Variants in EPHB2 observed in about 807,000 individuals in gnomAD.
The protein encoded by EPHB2 is EPH receptor B2.
A neutral mutation model predicts 96.4 loss-of-function variants in EPHB2; 18 were observed. The ratio of observed to expected loss-of-function variants is 0.19; its 90% confidence interval spans 0.13 to 0.28. The LOEUF is 0.28. EPHB2 is among the 10% of genes least tolerant of loss of function. The probability of loss-of-function intolerance (pLI) is 1.00; values close to 1 mark genes in which losing one functional copy is unlikely to be tolerated. For missense variants in EPHB2, 989 were observed against 1,355.4 expected, an observed-to-expected ratio of 0.73 and a Z score of 4.25; for synonymous variants, 506 against 534.1, an observed-to-expected ratio of 0.95 and a Z score of 0.72.
chr1:22,899,531 T>C (rs1557744857), intron 9 of EPHB2, among the ~76,000 whole-genome samples: 1 of 152,060 alleles, frequency 6.6e-6, no homozygotes, highest in South Asian at 2.1e-4. Flanking sequence ...TTGGGGCATA[T>C]ATGTAAAACT....
At chr1:22,898,661 G>C (rs1285365512) in intron 9 of EPHB2, among the ~76,000 whole-genome samples, 2 of 152,196 alleles carry the variant, frequency 1.3e-5, no homozygotes, top group Non-Finnish European at 2.9e-5. Flanking sequence ...TCTGGAGAAT[G>C]GACCAACGGG....
intron 1 of EPHB2, among the ~76,000 whole-genome samples, chr1:22,711,977 G>A (rs1643162579): frequency 6.6e-6 from 1 of 152,230 alleles, no homozygotes; most frequent in South Asian, 2.1e-4. Flanking sequence ...AGCTTGCAGG[G>A]CAAGAAGCGA....
At chr1:22,734,547 G>A (rs937405596) in intron 1 of EPHB2, among the ~76,000 whole-genome samples, 2 of 150,944 alleles carry the variant, frequency 1.3e-5, no homozygotes, top group African/African-American at 2.4e-5. Flanking sequence ...TCAGCCTCCC[G>A]AATAGCTGGG....
intron 3 of EPHB2, among the ~76,000 whole-genome samples, chr1:22,828,851 C>G (rs1184989164): frequency 1.3e-5 from 2 of 152,196 alleles, no homozygotes; most frequent in African/African-American, 4.8e-5. Context: ...CATAGAATTA[C>G]AGAATTGTAC....
intron 5 of EPHB2, among the ~76,000 whole-genome samples, chr1:22,874,742 A>G (rs1011380670): frequency 2.0e-5 from 3 of 152,214 alleles, no homozygotes; most frequent in African/African-American, 7.2e-5. Context: ...GCACATGAAC[A>G]GCCAATTGCC....
chr1:22,720,673 C>CCCT (rs1389860328), intron 1 of EPHB2, among the ~76,000 whole-genome samples: 8 of 122,402 alleles, frequency 6.5e-5, no homozygotes, highest in Admixed American at 5.6e-4. Flanking sequence ...CCCCCCCCCC[C>CCCT]GCCCCAGCAC....
intron 1 of EPHB2, among the ~76,000 whole-genome samples, chr1:22,772,738 C>A (rs867993279): frequency 6.6e-6 from 1 of 152,178 alleles, no homozygotes; most frequent in Non-Finnish European, 1.5e-5. Context: ...TGGGGCAGAT[C>A]TCTGAGCCTC....
intron 3 of EPHB2, among the ~76,000 whole-genome samples, chr1:22,818,532 A>T (rs568985655): frequency 6.6e-6 from 1 of 152,050 alleles, no homozygotes; most frequent in Non-Finnish European, 1.5e-5. Flanking sequence ...TACCTAAAAC[A>T]TGTCCTGATT....
intron 1 of EPHB2, among the ~76,000 whole-genome samples, chr1:22,762,658 T>C (rs1048978889): frequency 3.3e-5 from 5 of 152,182 alleles, no homozygotes; most frequent in South Asian, 2.1e-4. Flanking sequence ...GAGGATGATT[T>C]AGGAGTTTCC....
chr1:22,865,273 G>A, intron 5 of EPHB2, 61 bp downstream of exon 5: 2 of 1,588,734 alleles, frequency 1.3e-6, no homozygotes, highest in South Asian at 1.1e-5. Context: ...GGAGGGTCCT[G>A]CAGTCCTCAC....
At chr1:22,816,835 G>T (rs145061061) in intron 3 of EPHB2, among the ~76,000 whole-genome samples, 1 of 152,324 alleles carries the variant, frequency 6.6e-6, no homozygotes, top group Non-Finnish European at 1.5e-5. Context: ...AGGTCACCCT[G>T]GGGGAGATGG....
intron 1 of EPHB2, among the ~76,000 whole-genome samples, chr1:22,768,795 TCC>T (rs1644340417): frequency 2.6e-4 from 1 of 3,800 alleles, no homozygotes; most frequent in Non-Finnish European, 7.8e-4. Context: ...GATCATTCTC[TCC>T]TCCCGGCCTT....
chr1:22,910,294 C>A (rs1350400356), intron 13 of EPHB2, 88 bp from the exon 14 acceptor site: 7 of 1,538,334 alleles, frequency 4.6e-6, no homozygotes, highest in Non-Finnish European at 5.4e-6. Flanking sequence ...GTCAGACGTG[C>A]AATGTACTGG....
At chr1:22,777,810 A>G (rs1022732074) in intron 1 of EPHB2, among the ~76,000 whole-genome samples, 2 of 152,210 alleles carry the variant, frequency 1.3e-5, no homozygotes, top group African/African-American at 4.8e-5. Flanking sequence ...GTAAGCCCAA[A>G]GGAGGAAGCA....
Position 22,859,227 on chromosome 1 carries a change from A to G in EPHB2, c.812-3810A>G, listed in dbSNP as rs184356286. ...TTAAAGGGGTCTAGGAGTTTGCCTG[A>G]TGGTGAAGGGAAGGCATTCTAAGCA... On this transcript the variant is annotated intron_variant, in intron 3 of 15. Coordinates refer to ENST00000374630, the MANE Select transcript of EPHB2 (RefSeq NM_017449.5). Among the ~76,000 whole-genome samples, 13 of 135,732 alleles carry G rather than the reference A, an allele frequency of 9.6e-5. No homozygotes were observed. In the East Asian group the frequency reaches 3.0e-3, roughly 31 times the overall value. 89.0% of individuals were successfully genotyped at this position (135,732 alleles called of 152,430 possible).
intron 3 of EPHB2, among the ~76,000 whole-genome samples, chr1:22,862,342 C>G (rs1638290887): frequency 1.3e-5 from 2 of 152,350 alleles, no homozygotes; most frequent in Admixed American, 1.3e-4. Flanking sequence ...AAATTGATCA[C>G]ATATTCATTG....
intron 7 of EPHB2, 47 bp from the exon 8 acceptor site, chr1:22,895,425 G>A (rs775032929): frequency 5.4e-5 from 86 of 1,584,370 alleles, no homozygotes; most frequent in Admixed American, 4.7e-4. Context: ...AGGGTATTAC[G>A]ACTCCCACAG....
intron 5 of EPHB2, among the ~76,000 whole-genome samples, chr1:22,881,095 G>A (rs1570431552): frequency 2.6e-5 from 4 of 152,038 alleles, no homozygotes; most frequent in Admixed American, 1.3e-4. Flanking sequence ...GCAACATGGC[G>A]AAACCCCGCC....
chr1:22,896,427 C>G lies in EPHB2; in HGVS notation c.1714C>G (p.Arg572Gly). The part of the protein sequence containing the change: ...AIVCNRRGFE[R>G]ADSEYTDKLQ... ...TTGTTCCAGAAGACGGGGGTTTGAG[C>G]GTGCTGACTCGGAGTACACGGACAA... The change falls in exon 9 of 16, where the codon CGT becomes GGT. Residue 572 changes from arginine to glycine, a missense_variant. Physicochemically the swap from Arg to Gly is moderately radical, Grantham distance 125 (BLOSUM62 -2). Transcript: ENST00000374630. The G allele has an allele frequency of 6.2e-7, 1 of 1,614,118 alleles. No homozygotes were observed. The highest frequency in any genetic ancestry group is 8.5e-7 in the Non-Finnish European group (1 of 1,180,016).
Sources: gnomAD v4.1 joint callset for allele counts (sites outside exome capture counted in the v4.1 genomes callset) on GRCh38, gnomAD v4.1.1 for gene constraint, MANE v1.5 for transcripts, NCBI Gene and HGNC (gene_info 2026-07-23, HGNC 2026-07-21) for gene names.